ADAMTS12: variants seen among roughly 807,000 people sequenced by gnomAD.
The protein encoded by ADAMTS12 is A disintegrin and metalloproteinase with thrombospondin motifs 12.
A neutral mutation model predicts 167.8 loss-of-function variants in ADAMTS12; 118 were observed. That is an observed-to-expected ratio of 0.70 (90% CI 0.61 to 0.82). The LOEUF (loss-of-function observed/expected upper bound fraction) is 0.82, where lower values mean the gene tolerates loss of function less well. Ranked by LOEUF, ADAMTS12 falls within the 40% of genes least tolerant of loss-of-function variation. ADAMTS12 has a pLI of 0.00. For synonymous variants in ADAMTS12, 704 were observed against 716.9 expected (o/e 0.98, Z 0.29); for missense variants, 1,916 against 1,998.8 (o/e 0.96, Z 0.79).
intron 19 of ADAMTS12, 114 bp downstream of exon 19, chr5:33,575,940 T>G: frequency 6.9e-7 from 1 of 1,443,448 alleles, no homozygotes; most frequent in Non-Finnish European, 9.2e-7. Flanking sequence ...TGCTTCCTTT[T>G]GTTTTCACAA....
chr5:33,554,624 T>C (rs932704904), intron 20 of ADAMTS12, among the ~76,000 whole-genome samples: 3 of 152,368 alleles, frequency 2.0e-5, no homozygotes, highest in Admixed American at 1.3e-4. Flanking sequence ...TTCTAGGTTT[T>C]GACTTTTGCA....
At chr5:33,641,981 G>A in intron 10 of ADAMTS12, 26 bp from the exon 11 acceptor site, 4 of 1,588,032 alleles carry the variant, frequency 2.5e-6, no homozygotes, top group African/African-American at 1.3e-5. Context: ...GCAGGAGATG[G>A]CCGTATCAGG....
intron 2 of ADAMTS12, among the ~76,000 whole-genome samples, chr5:33,833,664 G>A (rs1328767482): frequency 1.3e-5 from 2 of 152,156 alleles, no homozygotes; most frequent in Non-Finnish European, 2.9e-5. Flanking sequence ...TCTCTACAAT[G>A]CTCTACACCT....
At chr5:33,869,855 TA>T (rs1749969006) in intron 2 of ADAMTS12, among the ~76,000 whole-genome samples, 1 of 152,162 alleles carries the variant, frequency 6.6e-6, no homozygotes, top group Admixed American at 6.5e-5. Context: ...TTCCTAATCC[TA>T]ATATACCTGG....
At chr5:33,795,382 G>A (rs930075284) in intron 2 of ADAMTS12, among the ~76,000 whole-genome samples, 1 of 152,128 alleles carries the variant, frequency 6.6e-6, no homozygotes, top group Non-Finnish European at 1.5e-5. Flanking sequence ...AATGCCCCAC[G>A]ATGTAGTGCA....
chr5:33,688,644 A>G (rs530679731), intron 3 of ADAMTS12, among the ~76,000 whole-genome samples: 6 of 152,344 alleles, frequency 3.9e-5, no homozygotes, highest in African/African-American at 1.4e-4. Flanking sequence ...AACCTGGAGT[A>G]GTGCTAGGGA....
At chr5:33,584,636 A>G (rs1747241869) in intron 18 of ADAMTS12, among the ~76,000 whole-genome samples, 1 of 152,212 alleles carries the variant, frequency 6.6e-6, no homozygotes, top group Non-Finnish European at 1.5e-5. Context: ...ACCAGGCACT[A>G]CGCTAAGTGT....
At chr5:33,746,192 G>A (rs1430662830) in intron 3 of ADAMTS12, among the ~76,000 whole-genome samples, 1 of 152,228 alleles carries the variant, frequency 6.6e-6, no homozygotes, top group African/African-American at 2.4e-5. Context: ...GTCAAGAAGT[G>A]TTTGTGTTAG....
chr5:33,780,562 G>A (rs572900286), intron 2 of ADAMTS12, among the ~76,000 whole-genome samples: 1 of 152,330 alleles, frequency 6.6e-6, no homozygotes, highest in Admixed American at 6.5e-5. Flanking sequence ...AGCTAAGGTG[G>A]TTCAGGTAGA....
At chr5:33,881,924 C>T (rs1438703491) in intron 1 of ADAMTS12, among the ~76,000 whole-genome samples, 2 of 152,002 alleles carry the variant, frequency 1.3e-5, no homozygotes, top group Non-Finnish European at 2.9e-5. Context: ...TTTAGAGATC[C>T]TTTCCATCAC....
At chr5:33,697,372 C>A (rs892220898) in intron 3 of ADAMTS12, among the ~76,000 whole-genome samples, 1 of 152,146 alleles carries the variant, frequency 6.6e-6, no homozygotes, top group Non-Finnish European at 1.5e-5. Context: ...TCAAGGTAAA[C>A]TGAATTCAGT....
chr5:33,667,332 A>AT (rs1741511345), intron 5 of ADAMTS12, among the ~76,000 whole-genome samples: 1 of 151,752 alleles, frequency 6.6e-6, no homozygotes, highest in African/African-American at 2.4e-5. Flanking sequence ...AAAAAAAAAA[A>AT]AAAAAAAGAT....
intron 18 of ADAMTS12, among the ~76,000 whole-genome samples, chr5:33,579,650 C>T (rs1746956036): frequency 6.6e-6 from 1 of 152,132 alleles, no homozygotes; most frequent in African/African-American, 2.4e-5. Flanking sequence ...GCTTAAATTC[C>T]CTGATGTATC....
At chr5:33,860,514 T>C (rs1472910441) in intron 2 of ADAMTS12, among the ~76,000 whole-genome samples, 2 of 152,118 alleles carry the variant, frequency 1.3e-5, no homozygotes, top group African/African-American at 4.8e-5. Context: ...TGAGACTATG[T>C]AGAAAGACCA....
chr5:33,789,054 G>C (rs1317625409), intron 2 of ADAMTS12, among the ~76,000 whole-genome samples: 3 of 152,150 alleles, frequency 2.0e-5, no homozygotes, highest in African/African-American at 7.2e-5. Flanking sequence ...ACATACTCAG[G>C]ATCACACGGA....
intron 2 of ADAMTS12, among the ~76,000 whole-genome samples, chr5:33,843,423 A>G (rs1249054708): frequency 2.6e-5 from 4 of 152,184 alleles, no homozygotes; most frequent in African/African-American, 9.6e-5. Flanking sequence ...GGGCATCCAT[A>G]TCAGGCAAGG....
At chr5:33,557,154 A>G (rs985482092) in intron 20 of ADAMTS12, among the ~76,000 whole-genome samples, 1 of 152,240 alleles carries the variant, frequency 6.6e-6, no homozygotes, top group African/African-American at 2.4e-5. Context: ...TGGATGCCTC[A>G]GGTATGATAC....
chr5:33,866,203 C>T (rs932659835), intron 2 of ADAMTS12, among the ~76,000 whole-genome samples: 4 of 152,028 alleles, frequency 2.6e-5, no homozygotes, highest in East Asian at 3.8e-4. Flanking sequence ...TACTACAAGG[C>T]TATAGATACA....
chr5:33,526,989 G>A lies in ADAMTS12; in HGVS notation c.*199C>T. 2 of 606,692 alleles carry A rather than the reference G, an allele frequency of 3.3e-6. No individual in the cohort carries two copies. The highest frequency in any genetic ancestry group is 2.9e-5 in the East Asian group (1 of 34,970). The allele number at this position is 606,692 out of a possible 1,614,324, so 37.6% of individuals were successfully genotyped here. A position where few individuals can be genotyped will look rare whatever the true frequency, so the allele number is the denominator to read the frequency against. ...CTAGCTATTTCACCTTCCTATCAGGGAGCAGCAAGTACGGCAGCCTAGGCC... is the reference window on the plus strand; with the variant it reads ...CTAGCTATTTCACCTTCCTATCAGGAAGCAGCAAGTACGGCAGCCTAGGCC... On this transcript the variant is annotated 3_prime_UTR_variant, in exon 24 of 24. Coordinates refer to ENST00000504830, the MANE Select transcript of ADAMTS12 (RefSeq NM_030955.4).
Sources: allele counts gnomAD v4.1 joint callset (sites outside exome capture counted in the v4.1 genomes callset), GRCh38; gene constraint gnomAD v4.1.1; transcripts MANE v1.5; gene names NCBI Gene and HGNC (gene_info 2026-07-23, HGNC 2026-07-21).